The following TAFA2 variants were observed in gnomAD, a reference collection of about 807,000 sequenced individuals.
TAFA2 encodes the protein chemokine-like protein TAFA-2.
Under a neutral mutation model 18.8 loss-of-function variants are expected in TAFA2, and 7 were observed. The ratio of observed to expected loss-of-function variants is 0.37; its 90% CI spans 0.21 to 0.70. TAFA2 has a LOEUF of 0.70. Ranked by LOEUF, TAFA2 falls within the 30% of genes least tolerant of loss-of-function variation. TAFA2 has a pLI of 0.53. For synonymous variants in TAFA2, 60 were observed against 54.2 expected (o/e 1.11, Z -0.47); for missense variants, 122 against 158.1 (o/e 0.77, Z 1.23).
intron 1 of TAFA2, among the ~76,000 whole-genome samples, chr12:62,203,632 T>G (rs1367039761): frequency 5.9e-5 from 9 of 152,350 alleles, no homozygotes; most frequent in Admixed American, 5.9e-4. Flanking sequence ...TTAAAGTCTG[T>G]TTTGTCAGAA....
At chr12:61,784,913 G>A (rs904813851) in intron 2 of TAFA2, among the ~76,000 whole-genome samples, 4 of 151,378 alleles carry the variant, frequency 2.6e-5, no homozygotes, top group African/African-American at 9.7e-5. Context: ...TCAGATCAGA[G>A]TTATTAGTGT....
chr12:61,843,812 G>A (rs1873290665), intron 2 of TAFA2, among the ~76,000 whole-genome samples: 1 of 152,128 alleles, frequency 6.6e-6, no homozygotes, highest in East Asian at 1.9e-4. Context: ...AAAAATGTAG[G>A]TGAACTTGTG....
chr12:62,231,597 A>G (rs1424892132), intron 1 of TAFA2, among the ~76,000 whole-genome samples: 1 of 152,186 alleles, frequency 6.6e-6, no homozygotes, highest in African/African-American at 2.4e-5. Flanking sequence ...AAGACTTACT[A>G]CTGCTATTTT....
chr12:62,203,818 C>T (rs185162560), intron 1 of TAFA2, among the ~76,000 whole-genome samples: 3 of 152,254 alleles, frequency 2.0e-5, no homozygotes, highest in African/African-American at 7.2e-5. Context: ...TTAATTGGGG[C>T]ATTTAGCCCA....
intron 1 of TAFA2, among the ~76,000 whole-genome samples, chr12:62,069,365 C>T (rs1882569492): frequency 6.6e-6 from 1 of 152,104 alleles, no homozygotes; most frequent in African/African-American, 2.4e-5. Context: ...ACAGGGATGG[C>T]ATCTAATCCT....
chr12:61,949,297 C>G (rs1351872709), intron 1 of TAFA2, among the ~76,000 whole-genome samples: 2 of 152,080 alleles, frequency 1.3e-5, no homozygotes, highest in African/African-American at 4.8e-5. Context: ...ATCAGCTCTT[C>G]TTGGGTTTCA....
intron 2 of TAFA2, among the ~76,000 whole-genome samples, chr12:61,779,091 A>ATGAT (rs1450624723): frequency 6.6e-6 from 1 of 151,806 alleles, no homozygotes; most frequent in Non-Finnish European, 1.5e-5. Context: ...AACAAACCAC[A>ATGAT]TTTATCATCA....
chr12:62,096,964 A>ATC (rs998241437), intron 1 of TAFA2, among the ~76,000 whole-genome samples: 4 of 151,952 alleles, frequency 2.6e-5, no homozygotes, highest in Non-Finnish European at 4.4e-5. Flanking sequence ...CATTTTGCAT[A>ATC]TCTCTCTCTC....
At chr12:62,162,022 G>A (rs1319308375) in intron 1 of TAFA2, among the ~76,000 whole-genome samples, 1 of 152,196 alleles carries the variant, frequency 6.6e-6, no homozygotes, top group South Asian at 2.1e-4. Context: ...GTGAAGACTT[G>A]CTGAAATGTG....
chr12:61,932,156 G>A (rs551350789), intron 1 of TAFA2, among the ~76,000 whole-genome samples: 1 of 152,184 alleles, frequency 6.6e-6, no homozygotes, highest in African/African-American at 2.4e-5. Context: ...ATTTTAAAGG[G>A]AGAAAACCAG....
At chr12:61,722,871 C>T (rs1490861187) in intron 4 of TAFA2, among the ~76,000 whole-genome samples, 1 of 152,054 alleles carries the variant, frequency 6.6e-6, no homozygotes, top group East Asian at 1.9e-4. Context: ...TGTTCCTCCT[C>T]CTCTTTGCCA....
chr12:61,910,901 G>A (rs1366369315), intron 1 of TAFA2, among the ~76,000 whole-genome samples: 2 of 152,146 alleles, frequency 1.3e-5, no homozygotes, highest in Non-Finnish European at 2.9e-5. Flanking sequence ...CAATGATTTG[G>A]ACAACTCTAT....
intron 2 of TAFA2, among the ~76,000 whole-genome samples, chr12:61,765,655 G>A (rs981577829): frequency 2.0e-5 from 3 of 152,060 alleles, no homozygotes; most frequent in Non-Finnish European, 2.9e-5. Flanking sequence ...CTACCATTAA[G>A]TGCTATAATG....
chr12:62,142,548 T>C (rs933482846), intron 1 of TAFA2, among the ~76,000 whole-genome samples: 1 of 152,184 alleles, frequency 6.6e-6, no homozygotes, highest in African/African-American at 2.4e-5. Context: ...GTGTCTTCCA[T>C]GCATGACTAC....
intron 1 of TAFA2, among the ~76,000 whole-genome samples, chr12:62,105,827 A>G (rs1869423286): frequency 6.6e-6 from 1 of 152,212 alleles, no homozygotes; most frequent in Admixed American, 6.5e-5. Flanking sequence ...GAAGGGGATA[A>G]TGCAGAGAGT....
intron 1 of TAFA2, chr12:62,140,282 G>A (rs954075665): frequency 2.6e-5 from 4 of 152,190 alleles, no homozygotes; most frequent in Admixed American, 2.6e-4. Context: ...CTTCTTTAAA[G>A]AATGTTTTGG....
intron 1 of TAFA2, among the ~76,000 whole-genome samples, chr12:62,110,612 C>CT (rs68008958): frequency 0.12 from 12,729 of 104,616 alleles, 1,016 homozygotes; most frequent in Non-Finnish European, 0.16. Context: ...TGGTCCTGGG[C>CT]TTTTTTTTTT....
At chr12:61,737,633 A>C (rs1449334563) in intron 4 of TAFA2, among the ~76,000 whole-genome samples, 1 of 151,934 alleles carries the variant, frequency 6.6e-6, no homozygotes, top group Non-Finnish European at 1.5e-5. Flanking sequence ...AAGACAATCC[A>C]TATCTTATTA....
chr12:62,137,701 G>A (rs1030803474), intron 1 of TAFA2, among the ~76,000 whole-genome samples: 1 of 151,890 alleles, frequency 6.6e-6, no homozygotes, highest in African/African-American at 2.4e-5. Flanking sequence ...ATCTCCCCCT[G>A]GATTATTGTA....
Sources: allele counts gnomAD v4.1 joint callset (sites outside exome capture counted in the v4.1 genomes callset), GRCh38; gene constraint gnomAD v4.1.1; transcripts MANE v1.5; gene names NCBI Gene and HGNC (gene_info 2026-07-23, HGNC 2026-07-21).